STIM1: variants seen among roughly 807,000 people sequenced by gnomAD.
The protein encoded by STIM1 is stromal interaction molecule 1.
STIM1 carries 25 observed loss-of-function variants against 74.7 expected under a neutral mutation model. The ratio of observed to expected loss-of-function variants is 0.33; its 90% confidence interval spans 0.24 to 0.47. The LOEUF (loss-of-function observed/expected upper bound fraction) is 0.47. Among genes scored for constraint, STIM1 ranks in the 20% least tolerant of loss-of-function variants. The pLI is 1.00. For synonymous variants in STIM1, 328 were observed against 348.8 expected, an observed-to-expected ratio of 0.94 and a Z score of 0.66; for missense variants, 728 against 920.8, an observed-to-expected ratio of 0.79 and a Z score of 2.71.
chr11:3,889,098 G>A (rs10835248), intron 1 of STIM1, among the ~76,000 whole-genome samples: 54,895 of 148,626 alleles, frequency 0.37, 10,692 homozygotes, highest in South Asian at 0.48. Flanking sequence ...GGAGTTCCCT[G>A]TTTAGTGAGT....
At chr11:3,950,410 G>T (rs1010028025) in intron 1 of STIM1, among the ~76,000 whole-genome samples, 2 of 152,164 alleles carry the variant, frequency 1.3e-5, no homozygotes, top group African/African-American at 2.4e-5. Flanking sequence ...GGGATTATAG[G>T]CATGAGCCAC....
chr11:4,036,883 G>A (rs1260707655), intron 3 of STIM1, among the ~76,000 whole-genome samples: 1 of 152,096 alleles, frequency 6.6e-6, no homozygotes, highest in African/African-American at 2.4e-5. Context: ...ACTGACAAAT[G>A]GGATCTAATT....
chr11:4,085,882 T>G (rs1043812005), intron 11 of STIM1, among the ~76,000 whole-genome samples: 2 of 152,240 alleles, frequency 1.3e-5, no homozygotes, highest in Non-Finnish European at 2.9e-5. Context: ...TCTGAACATT[T>G]TAATAGGCAT....
At chr11:3,920,887 C>A (rs915437153) in intron 1 of STIM1, among the ~76,000 whole-genome samples, 5 of 151,420 alleles carry the variant, frequency 3.3e-5, no homozygotes, top group African/African-American at 1.2e-4. Flanking sequence ...CCTCCACCTT[C>A]TGGGTTCAAG....
At chr11:4,087,580 A>G (rs1375867234) in intron 12 of STIM1, among the ~76,000 whole-genome samples, 6 of 152,140 alleles carry the variant, frequency 3.9e-5, no homozygotes, top group Non-Finnish European at 8.8e-5. Flanking sequence ...TTTGGCCTCT[A>G]CCCGTTAGGA....
chr11:4,058,882 C>A, intron 4 of STIM1: 1 of 1,057,194 alleles, frequency 9.5e-7, no homozygotes, highest in Non-Finnish European at 1.1e-6. Flanking sequence ...CCCAGAATCA[C>A]TGGGTCATAT....
intron 6 of STIM1, among the ~76,000 whole-genome samples, chr11:4,073,048 G>T (rs1319740351): frequency 8.5e-5 from 7 of 82,802 alleles, no homozygotes; most frequent in Non-Finnish European, 1.3e-4. Flanking sequence ...GGACTTAGAG[G>T]TTTTTTTTTT....
chr11:3,930,266 A>G (rs1336815120), intron 1 of STIM1, among the ~76,000 whole-genome samples: 1 of 152,222 alleles, frequency 6.6e-6, no homozygotes, highest in African/African-American at 2.4e-5. Flanking sequence ...AGATATTCTC[A>G]TTTTACAGAG....
intron 1 of STIM1, among the ~76,000 whole-genome samples, chr11:3,873,947 A>G (rs563271286): frequency 5.3e-5 from 8 of 152,276 alleles, no homozygotes; most frequent in African/African-American, 1.9e-4. Context: ...CTCTGTGGTT[A>G]TAGTCTTTTA....
At chr11:4,000,249 C>A in intron 2 of STIM1, among the ~76,000 whole-genome samples, 1 of 105,844 alleles carries the variant, frequency 9.4e-6, no homozygotes, top group Non-Finnish European at 2.1e-5. Flanking sequence ...TCCCAGCATG[C>A]AGCTGCAGAT....
At chr11:3,935,375 C>T (rs1368393823) in intron 1 of STIM1, among the ~76,000 whole-genome samples, 1 of 152,164 alleles carries the variant, frequency 6.6e-6, no homozygotes, top group South Asian at 2.1e-4. Context: ...TTCATTATAC[C>T]CTGCTGTCTC....
In STIM1 at chr11:3,958,571, C is replaced by T. The variant is rs577348911; in HGVS notation, c.140-8981C>T. 3.9e-5 allele frequency among the ~76,000 whole-genome samples: 6 copies of T among 152,318 alleles called. No homozygotes were observed. The East Asian group carries it at 1.2e-3, about 29-fold the overall frequency. On this transcript the variant is annotated intron_variant, in intron 1 of 12. Coordinates refer to ENST00000526596, the MANE Select transcript of STIM1 (RefSeq NM_001382567.1). ...TGCCTAGCCTAGGGGTATGACTCCT[C>T]TTTCTGTGGCTAGGCCTGCTGTGTG...
At chr11:4,075,371 A>G (rs548289792) in intron 7 of STIM1, among the ~76,000 whole-genome samples, 14 of 152,272 alleles carry the variant, frequency 9.2e-5, no homozygotes, top group African/African-American at 3.4e-4. Flanking sequence ...ACCCCAGGAA[A>G]CTCACTTTTG....
At chr11:3,897,566 G>A (rs1016415890) in intron 1 of STIM1, among the ~76,000 whole-genome samples, 1 of 151,818 alleles carries the variant, frequency 6.6e-6, no homozygotes, top group Admixed American at 6.6e-5. Context: ...CAATGTGCAG[G>A]TTAGTTACAT....
At chr11:3,961,113 C>G (rs2093280647) in intron 1 of STIM1, among the ~76,000 whole-genome samples, 1 of 152,068 alleles carries the variant, frequency 6.6e-6, no homozygotes, top group African/African-American at 2.4e-5. Context: ...AGTGATCCTC[C>G]TACTTCAGCC....
At chr11:3,963,850 G>A (rs1443548763) in intron 1 of STIM1, among the ~76,000 whole-genome samples, 1 of 152,188 alleles carries the variant, frequency 6.6e-6, no homozygotes, top group African/African-American at 2.4e-5. Flanking sequence ...TGGAACATAT[G>A]ACTGGTCAGG....
chr11:3,983,832 G>T (rs961793081), intron 2 of STIM1, among the ~76,000 whole-genome samples: 2 of 151,762 alleles, frequency 1.3e-5, no homozygotes, highest in Non-Finnish European at 2.9e-5. Context: ...TGCTGCTGCT[G>T]CTTTTTCTCT....
At chr11:4,048,857 C>A (rs2094214857) in intron 3 of STIM1, among the ~76,000 whole-genome samples, 7 of 152,090 alleles carry the variant, frequency 4.6e-5, no homozygotes, top group Admixed American at 4.6e-4. Context: ...CCTTAGCCTC[C>A]TGAGTAGCTG....
At chr11:3,898,809 A>G (rs1466498020) in intron 1 of STIM1, among the ~76,000 whole-genome samples, 2 of 149,286 alleles carry the variant, frequency 1.3e-5, no homozygotes, top group Non-Finnish European at 3.0e-5. Context: ...CAGGTTTGTC[A>G]AAGATCAGAT....
Sources: gnomAD v4.1 joint callset for allele counts (sites outside exome capture counted in the v4.1 genomes callset) on GRCh38, gnomAD v4.1.1 for gene constraint, MANE v1.5 for transcripts, NCBI Gene and HGNC (gene_info 2026-07-23, HGNC 2026-07-21) for gene names.